Variants in MYO9A observed in about 807,000 individuals in gnomAD.
The protein encoded by MYO9A is unconventional myosin-IXa.
Under a neutral mutation model 293.3 loss-of-function variants are expected in MYO9A, and 103 were observed. The observed-to-expected ratio is 0.35, with a 90% CI of 0.30 to 0.41. MYO9A has a LOEUF of 0.41. MYO9A is among the 10% of genes least tolerant of loss of function. MYO9A has a pLI of 1.00. For missense variants in MYO9A, 2,685 were observed against 3,033.0 expected (o/e 0.89, Z 2.69); for synonymous variants, 1,001 against 1,035.7 (o/e 0.97, Z 0.64).
intron 34 of MYO9A, among the ~76,000 whole-genome samples, chr15:71,854,956 A>G (rs2055805735): frequency 6.6e-6 from 1 of 152,248 alleles, no homozygotes; most frequent in South Asian, 2.1e-4. Context: ...TAGAGTTGTC[A>G]GCAAGTTCTT....
At chr15:71,828,693 C>G (rs1293699506) in intron 40 of MYO9A, among the ~76,000 whole-genome samples, 1 of 152,200 alleles carries the variant, frequency 6.6e-6, no homozygotes, top group Non-Finnish European at 1.5e-5. Flanking sequence ...CTTGCTTTTT[C>G]ACTAATGCCT....
chr15:72,060,352 C>T (rs1202832305), intron 1 of MYO9A, among the ~76,000 whole-genome samples: 3 of 151,378 alleles, frequency 2.0e-5, no homozygotes, highest in African/African-American at 7.3e-5. Flanking sequence ...ATAATCAAAA[C>T]TTTTACTAGG....
chr15:71,848,083 A>G lies in MYO9A; in HGVS notation c.6837+762T>C, dbSNP rs374952542. Among the ~76,000 whole-genome samples the G allele has an allele frequency of 5.9e-5, 9 of 152,158 alleles. No individual in the cohort carries two copies. The East Asian group carries it at 1.4e-3, about 23-fold the overall frequency. On this transcript the variant is annotated intron_variant, in intron 39 of 41. Coordinates refer to ENST00000356056, the MANE Select transcript of MYO9A (RefSeq NM_006901.4). ...CTCATTGTCACAATTTTATTTTACA[A>G]CTGAGAGGAAGGGTGGCAAATGGGC... is the stretch of plus-strand genomic sequence containing the variant.
At chr15:72,020,131 C>T (rs753861645) in intron 5 of MYO9A, among the ~76,000 whole-genome samples, 2 of 152,000 alleles carry the variant, frequency 1.3e-5, no homozygotes, top group Non-Finnish European at 2.9e-5. Flanking sequence ...ACAAAAGCTT[C>T]GTAAGGATTT....
At chr15:71,969,562 T>C (rs765323830) in intron 12 of MYO9A, among the ~76,000 whole-genome samples, 1 of 152,230 alleles carries the variant, frequency 6.6e-6, no homozygotes, top group Non-Finnish European at 1.5e-5. Context: ...TATATCTCAC[T>C]ACTTCACAGC....
chr15:72,103,484 A>AGTG, intron 1 of MYO9A, among the ~76,000 whole-genome samples: 1 of 151,472 alleles, frequency 6.6e-6, no homozygotes, highest in Admixed American at 6.6e-5. Flanking sequence ...AAGCAGAAGC[A>AGTG]GCGCAGAAGC....
At chr15:71,934,210 T>C (rs1181848383) in intron 17 of MYO9A, among the ~76,000 whole-genome samples, 1 of 152,168 alleles carries the variant, frequency 6.6e-6, no homozygotes, top group South Asian at 2.1e-4. Context: ...TTAATTTATT[T>C]TTAGCCTTTT....
intron 1 of MYO9A, among the ~76,000 whole-genome samples, chr15:72,090,241 TC>T (rs1567029215): frequency 1.3e-5 from 2 of 152,214 alleles, no homozygotes; most frequent in African/African-American, 4.8e-5. Flanking sequence ...TAGAAGTTCT[TC>T]TTTTAATACT....
chr15:71,883,688 CT>C lies in MYO9A; in HGVS notation c.5303del (p.Glu1768GlyfsTer7). Reference protein sequence around the residue: ...MRFWAKGKQGEKKTTRVKPTT... With the variant: ...MRFWAKGKQGXKKTTRVKPTT... ...TAGGTTTCACTCTGGTAGTCTTCTT[CT>C]CCCCTTGTTTCCCTTTGGCCCAGAA... On this transcript the variant is annotated frameshift_variant, in exon 28 of 42. Coordinates refer to ENST00000356056, the MANE Select transcript of MYO9A (RefSeq NM_006901.4). LOFTEE classifies it high-confidence loss of function. The C allele has an allele frequency of 6.2e-7, 1 of 1,613,474 alleles. No homozygotes were observed. Among genetic ancestry groups the C allele is most frequent in the Non-Finnish European group, 8.5e-7 (1 of 1,179,638 alleles).
At chr15:71,946,922 T>C (rs1207596397) in intron 15 of MYO9A, among the ~76,000 whole-genome samples, 1 of 152,170 alleles carries the variant, frequency 6.6e-6, no homozygotes, top group Non-Finnish European at 1.5e-5. Flanking sequence ...GAGACCAGCC[T>C]GGACAACATA....
chr15:71,896,250 T>C (rs2057323305), intron 25 of MYO9A, among the ~76,000 whole-genome samples: 2 of 152,318 alleles, frequency 1.3e-5, no homozygotes, highest in Admixed American at 1.3e-4. Flanking sequence ...CATTTAAATG[T>C]TTGGGTTATA....
chr15:72,068,913 C>A (rs1156623773), intron 1 of MYO9A, among the ~76,000 whole-genome samples: 1 of 152,164 alleles, frequency 6.6e-6, no homozygotes, highest in Non-Finnish European at 1.5e-5. Flanking sequence ...CTCATAACAA[C>A]CCTAAGGAAA....
intron 18 of MYO9A, among the ~76,000 whole-genome samples, chr15:71,929,767 C>T (rs140555119): frequency 7.2e-5 from 11 of 152,304 alleles, no homozygotes; most frequent in African/African-American, 2.6e-4. Flanking sequence ...TGTACAGGTG[C>T]ATGTGTTTTT....
At chr15:72,041,130 A>T in intron 2 of MYO9A, 1 of 659,020 alleles carries the variant, frequency 1.5e-6, no homozygotes, top group Non-Finnish European at 2.7e-6. Context: ...CTATAATCCC[A>T]CCTATTTGGG....
upstream of MYO9A, chr15:72,118,321 G>A (rs903420705): frequency 1.8e-5 from 4 of 219,690 alleles, no homozygotes; most frequent in Non-Finnish European, 2.7e-5. Context: ...GCAGAGCAGG[G>A]AACTCAGCTT....
intron 15 of MYO9A, chr15:71,950,157 A>G (rs1176637767): frequency 6.6e-6 from 1 of 152,194 alleles, no homozygotes; most frequent in African/African-American, 2.4e-5. Context: ...AGTTTTACGT[A>G]TAATAAAATT....
At chr15:71,922,634 C>T (rs1239251337) in intron 18 of MYO9A, among the ~76,000 whole-genome samples, 1 of 152,114 alleles carries the variant, frequency 6.6e-6, no homozygotes, top group African/African-American at 2.4e-5. Context: ...CTTTGGGAAT[C>T]AAAACTCTAT....
At chr15:71,994,257 T>C (rs1241022671) in intron 10 of MYO9A, among the ~76,000 whole-genome samples, 1 of 152,128 alleles carries the variant, frequency 6.6e-6, no homozygotes, top group Non-Finnish European at 1.5e-5. Context: ...AAAGCAACTC[T>C]GAATATACAC....
intron 1 of MYO9A, among the ~76,000 whole-genome samples, chr15:72,068,792 T>C (rs1425140526): frequency 6.6e-6 from 1 of 152,112 alleles, no homozygotes; most frequent in African/African-American, 2.4e-5. Context: ...CCAATTTCTT[T>C]ACCAATATGC....
Sources: allele counts gnomAD v4.1 joint callset (sites outside exome capture counted in the v4.1 genomes callset), GRCh38; gene constraint gnomAD v4.1.1; transcripts MANE v1.5; gene names NCBI Gene and HGNC (gene_info 2026-07-23, HGNC 2026-07-21).